NFIA: variants seen among roughly 807,000 people sequenced by gnomAD.
NFIA encodes the protein nuclear factor 1 A-type.
Under a neutral mutation model 62.8 loss-of-function variants are expected in NFIA, and 8 were observed. The observed-to-expected ratio is 0.13, with a 90% CI of 0.07 to 0.23. The LOEUF is 0.23. Among genes scored for constraint, NFIA ranks in the 10% least tolerant of loss-of-function variants. NFIA has a pLI of 1.00. For missense variants in NFIA, 410 were observed against 642.1 expected (o/e 0.64, Z 3.91); for synonymous variants, 235 against 238.1 (o/e 0.99, Z 0.12).
At chr1:61,082,475 C>CCA, upstream of NFIA, 1 of 1,081,300 alleles carries the variant, frequency 9.2e-7, no homozygotes, top group Non-Finnish European at 1.1e-6. Context: ...CCGGCCGGGC[C>CCA]GGCGCGGGAG....
intron 2 of NFIA, among the ~76,000 whole-genome samples, chr1:61,186,991 G>A (rs1443223024): frequency 3.3e-5 from 5 of 152,120 alleles, no homozygotes; most frequent in Non-Finnish European, 7.4e-5. Flanking sequence ...CTGTACTTTT[G>A]CTTTCATAAT....
At chr1:61,282,103 AG>A (rs145799023) in intron 3 of NFIA, among the ~76,000 whole-genome samples, 2,150 of 152,262 alleles carry the variant, frequency 0.014, 59 homozygotes, top group African/African-American at 0.049. Context: ...TAGTAGGTCT[AG>A]GAAGCCAAAG....
intron 5 of NFIA, among the ~76,000 whole-genome samples, chr1:61,357,720 C>A (rs577738106): frequency 2.9e-4 from 44 of 152,240 alleles, no homozygotes; most frequent in African/African-American, 9.6e-4. Context: ...ATCTCTATAT[C>A]CCAGCACTTT....
At chr1:61,214,200 C>T (rs1261489812) in intron 2 of NFIA, among the ~76,000 whole-genome samples, 2 of 152,070 alleles carry the variant, frequency 1.3e-5, no homozygotes, top group African/African-American at 4.8e-5. Context: ...GAGCGGGTTC[C>T]ATCTTTGTGG....
rs1668591456 is a variant in NFIA at position 61,462,658 on chromosome 1, G to C, written c.*7338G>C. 1 of 152,166 alleles carries C rather than the reference G, an allele frequency of 6.6e-6. No homozygotes were observed. The highest frequency in any genetic ancestry group is 2.4e-5 in the African/African-American group (1 of 41,426). 9.4% of individuals were successfully genotyped at this position (152,166 alleles called of 1,614,324 possible). On this transcript the variant is annotated 3_prime_UTR_variant, in exon 11 of 11. Coordinates refer to ENST00000403491, the MANE Select transcript of NFIA (RefSeq NM_001134673.4). ...AAATCTCCACAGGTTTTTTGAGCTG[G>C]TGTGGATTAGTTTAACTCTTGTATT...
intron 2 of NFIA, among the ~76,000 whole-genome samples, chr1:61,090,295 TAGAAAA>T (rs1646298125): frequency 6.6e-6 from 1 of 152,210 alleles, no homozygotes; most frequent in Non-Finnish European, 1.5e-5. Context: ...TTTAGATATT[TAGAAAA>T]ATATAACCTA....
At chr1:61,409,274 C>T (rs1665988813) in intron 9 of NFIA, among the ~76,000 whole-genome samples, 1 of 152,208 alleles carries the variant, frequency 6.6e-6, no homozygotes, top group African/African-American at 2.4e-5. Context: ...AAATGTTCTA[C>T]CGATGACACA....
intron 2 of NFIA, among the ~76,000 whole-genome samples, chr1:61,094,863 G>C (rs1646383821): frequency 6.6e-6 from 1 of 152,150 alleles, no homozygotes; most frequent in Non-Finnish European, 1.5e-5. Context: ...TAGTGTTCTA[G>C]CTAAATAAAC....
At chr1:61,355,690 C>T (rs1393768095) in intron 5 of NFIA, among the ~76,000 whole-genome samples, 3 of 152,096 alleles carry the variant, frequency 2.0e-5, no homozygotes, top group African/African-American at 7.2e-5. Flanking sequence ...AAGCAATTCT[C>T]CTGCCTCAGC....
intron 7 of NFIA, among the ~76,000 whole-genome samples, chr1:61,390,721 C>T (rs1425959615): frequency 2.6e-5 from 4 of 151,910 alleles, no homozygotes; most frequent in African/African-American, 7.3e-5. Context: ...AATAGAGGAG[C>T]GGGGAAGGAG....
chr1:61,244,861 A>G (rs1655547882), intron 2 of NFIA, among the ~76,000 whole-genome samples: 1 of 152,194 alleles, frequency 6.6e-6, no homozygotes, highest in African/African-American at 2.4e-5. Flanking sequence ...GAATTATGCT[A>G]AAATTTTATT....
intron 3 of NFIA, among the ~76,000 whole-genome samples, chr1:61,294,054 G>A (rs1240812951): frequency 3.0e-4 from 45 of 152,192 alleles, no homozygotes; most frequent in Non-Finnish European, 1.5e-5. Context: ...ATGACCAGTG[G>A]TCAGATTCCC....
intron 10 of NFIA, among the ~76,000 whole-genome samples, chr1:61,439,162 A>C (rs1189240892): frequency 6.6e-6 from 1 of 151,890 alleles, no homozygotes; most frequent in African/African-American, 2.4e-5. Flanking sequence ...GTGCACCCCC[A>C]AGCCCCCACA....
intron 2 of NFIA, among the ~76,000 whole-genome samples, chr1:61,150,307 T>C (rs1648307059): frequency 6.6e-6 from 1 of 152,144 alleles, no homozygotes; most frequent in Admixed American, 6.5e-5. Flanking sequence ...TTTGTTTTCT[T>C]CCCAGGCAAG....
intron 10 of NFIA, among the ~76,000 whole-genome samples, chr1:61,439,155 C>T (rs1252262065): frequency 6.6e-6 from 1 of 152,042 alleles, no homozygotes; most frequent in Non-Finnish European, 1.5e-5. Context: ...TACCTGAGTG[C>T]ACCCCCAAGC....
intron 2 of NFIA, among the ~76,000 whole-genome samples, chr1:61,150,462 G>A (rs1287416684): frequency 6.6e-6 from 1 of 152,160 alleles, no homozygotes; most frequent in Non-Finnish European, 1.5e-5. Flanking sequence ...TCCTTTCATG[G>A]TACGATACAC....
intron 2 of NFIA, among the ~76,000 whole-genome samples, chr1:61,256,772 C>G (rs1284623931): frequency 6.6e-6 from 1 of 152,114 alleles, no homozygotes; most frequent in Non-Finnish European, 1.5e-5. Context: ...TAGCAAAATA[C>G]AAGGATCCAG....
At chr1:61,385,649 G>T (rs568817600) in intron 7 of NFIA, among the ~76,000 whole-genome samples, 1 of 152,142 alleles carries the variant, frequency 6.6e-6, no homozygotes, top group South Asian at 2.1e-4. Flanking sequence ...TACTGTCATG[G>T]GCACTTCCCT....
intron 2 of NFIA, among the ~76,000 whole-genome samples, chr1:61,199,122 TG>T (rs113641580): frequency 0.032 from 4,809 of 152,290 alleles, 133 homozygotes; most frequent in African/African-American, 0.065. Context: ...AGACCAGAAA[TG>T]TGGTTCTCGT....
Sources: gnomAD v4.1 joint callset for allele counts (sites outside exome capture counted in the v4.1 genomes callset) on GRCh38, gnomAD v4.1.1 for gene constraint, MANE v1.5 for transcripts, NCBI Gene and HGNC (gene_info 2026-07-23, HGNC 2026-07-21) for gene names.